Variants in TNNT3 observed in about 807,000 individuals in gnomAD.
TNNT3 encodes the protein troponin T3, fast skeletal type.
TNNT3 carries 36 observed loss-of-function variants against 54.2 expected under a neutral mutation model. That is an observed-to-expected ratio of 0.66 (90% CI 0.51 to 0.88). The LOEUF (loss-of-function observed/expected upper bound fraction) is 0.88, where lower values mean the gene tolerates loss of function less well. Ranked by LOEUF, TNNT3 falls within the 40% of genes least tolerant of loss-of-function variation. The pLI, the probability that TNNT3 is intolerant of heterozygous loss-of-function variation, is 0.00. For synonymous variants in TNNT3, 120 were observed against 109.7 expected, an observed-to-expected ratio of 1.09 and a Z score of -0.59; for missense variants, 291 against 331.6, an observed-to-expected ratio of 0.88 and a Z score of 0.95.
rs1380265589 is a variant in TNNT3, at chr11:1,925,480, CT to C, written c.67+366del. On this transcript the variant is annotated intron_variant, in intron 5 of 15. Transcript: ENST00000278317. ...GAATGGGGTCTCGAGGGTGGGCCCC[CT>C]TCCCCACAGCCCCCCAGGCAGTAGG... 7 of 643,150 alleles carry C rather than the reference CT, an allele frequency of 1.1e-5. No homozygotes were observed. In the Admixed American group the frequency reaches 1.7e-4, roughly 15 times the overall value. The allele number at this position is 643,150 out of a possible 1,614,324, so 39.8% of individuals were successfully genotyped here. A position where few individuals can be genotyped will look rare whatever the true frequency, so the allele number is the denominator to read the frequency against.
At chr11:1,933,571 A>G in intron 9 of TNNT3, 150 bp from the exon 10 acceptor site, 1 of 707,656 alleles carries the variant, frequency 1.4e-6, no homozygotes. Flanking sequence ...AAGGCAAAAC[A>G]TTCCTTGCCA....
intron 14 of TNNT3, chr11:1,935,132 A>G: frequency 3.1e-6 from 2 of 635,454 alleles, no homozygotes; most frequent in Non-Finnish European, 5.7e-6. Flanking sequence ...CTGGCCATGC[A>G]GCGCCCTGAG....
At chr11:1,926,390 C>T (rs1851588796) in intron 5 of TNNT3, 1 of 1,579,772 alleles carries the variant, frequency 6.3e-7, no homozygotes, top group African/African-American at 1.3e-5. Context: ...ACGGGCTTTT[C>T]CATTAACCTC....
intron 9 of TNNT3, among the ~76,000 whole-genome samples, chr11:1,932,931 TCCACCCACCCAA>T (rs1285410060): frequency 7.2e-6 from 1 of 139,362 alleles, no homozygotes; most frequent in Non-Finnish European, 1.6e-5. Context: ...CATCCATCCA[TCCACCCACCCAA>T]CCACCCATTC....
At position 1,937,012 on chromosome 11, in the gene TNNT3, C is replaced by T; in HGVS notation, c.722+9C>T. ...GACCAGGCCCAGAAGCAGTGAGTAG[C>T]CCTGCCGTCCTCGCTCCGCACTGGG... On this transcript the variant is annotated intron_variant, in intron 15 of 15. Coordinates refer to ENST00000278317, the MANE Select transcript of TNNT3 (RefSeq NM_006757.4). The T allele has an allele frequency of 6.3e-7, 1 of 1,596,142 alleles. No homozygotes were observed. The highest frequency in any genetic ancestry group is 8.5e-7 in the Non-Finnish European group (1 of 1,173,186).
chr11:1,925,217 C>G, intron 5 of TNNT3, 101 bp downstream of exon 5: 1 of 1,607,268 alleles, frequency 6.2e-7, no homozygotes, highest in South Asian at 1.1e-5. Context: ...GCTGTGTGCC[C>G]CTGTCTAACC....
At chr11:1,936,781 C>T (rs921818720) in intron 14 of TNNT3, among the ~76,000 whole-genome samples, 182 bp from the exon 15 acceptor site, 2 of 152,200 alleles carry the variant, frequency 1.3e-5, no homozygotes, top group South Asian at 2.1e-4. Context: ...CCAGGGGCCA[C>T]GGGACGGTGT....
In TNNT3 at chr11:1,920,098, G is replaced by A. The variant is rs1849750135; in HGVS notation, c.-19+336G>A. Among the ~76,000 whole-genome samples the A allele has an allele frequency of 1.3e-5, 2 of 152,278 alleles. 1 individual carries two copies. The highest frequency in any genetic ancestry group is 4.1e-4 in the South Asian group (2 of 4,834). ...CTGAGGGCAGGAGGCAGAGAGGTGC[G>A]GGCTGTGAGCGGCAGGGAAGAGGCT... is the stretch of plus-strand genomic sequence containing the variant. On this transcript the variant is annotated intron_variant, in intron 1 of 15. Transcript: ENST00000278317.
At chr11:1,922,591 G>A (rs528665396) in intron 1 of TNNT3, among the ~76,000 whole-genome samples, 20 of 152,240 alleles carry the variant, frequency 1.3e-4, no homozygotes, top group Admixed American at 9.8e-4. Context: ...ATCCCTTCCA[G>A]CTCCAAGATT....
intron 6 of TNNT3, chr11:1,928,877 C>T: frequency 1.6e-6 from 1 of 614,298 alleles, no homozygotes; most frequent in Non-Finnish European, 2.9e-6. Flanking sequence ...TCCTATTCTC[C>T]ACTAGGTCTT....
intron 7 of TNNT3, 44 bp from the exon 8 acceptor site, chr11:1,929,766 C>A: frequency 6.4e-7 from 1 of 1,551,466 alleles, no homozygotes. Flanking sequence ...CTCCCTCTCC[C>A]CACGCTGGTG....
At chr11:1,936,131 C>CA in intron 14 of TNNT3, 1 of 1,517,860 alleles carries the variant, frequency 6.6e-7, no homozygotes, top group Non-Finnish European at 9.1e-7. Context: ...CCTGGAGGGC[C>CA]ATCACCAGGC....
intron 1 of TNNT3, among the ~76,000 whole-genome samples, chr11:1,920,399 C>T (rs1042724342): frequency 6.6e-6 from 1 of 152,122 alleles, no homozygotes. Context: ...CAGGACGGGG[C>T]AAGAGTGAGG....
chr11:1,926,672 C>T (rs753169113), intron 5 of TNNT3, 23 bp from the exon 6 acceptor site: 16 of 1,613,346 alleles, frequency 9.9e-6, no homozygotes, highest in African/African-American at 1.3e-5. Context: ...GCCCTTTCTG[C>T]CACCATGACG....
Position 1,926,348 on chromosome 11 carries a change from C to G in TNNT3, c.68-347C>G, listed in dbSNP as rs3825026. 7.1e-5 allele frequency: 88 copies of G among 1,241,588 alleles called. No individual in the cohort carries two copies. The African/African-American group carries it at 9.6e-4, about 14-fold the overall frequency. 76.9% of individuals were successfully genotyped at this position (1,241,588 alleles called of 1,614,324 possible). A position where few individuals can be genotyped will look rare whatever the true frequency, so the allele number is the denominator to read the frequency against. ...CTCTGACCGTGTCTTGCTCGCTCCC[C>G]GCACGCACCCCACCCTCGGCCTCGA... On this transcript the variant is annotated intron_variant, in intron 5 of 15. Coordinates refer to ENST00000278317, the MANE Select transcript of TNNT3 (RefSeq NM_006757.4).
At chr11:1,922,281 G>C (rs188539884) in intron 1 of TNNT3, among the ~76,000 whole-genome samples, 50 of 152,276 alleles carry the variant, frequency 3.3e-4, no homozygotes, top group African/African-American at 1.2e-3. Flanking sequence ...AGGAAAACAG[G>C]CACAGAAGGG....
chr11:1,925,955 C>T (rs891515391), intron 5 of TNNT3, among the ~76,000 whole-genome samples: 3 of 152,230 alleles, frequency 2.0e-5, no homozygotes, highest in Middle Eastern at 3.4e-3. Context: ...GGGCCCCCAG[C>T]GTTGGGATGG....
intron 14 of TNNT3, chr11:1,936,211 T>C: frequency 6.2e-7 from 1 of 1,613,860 alleles, no homozygotes; most frequent in Non-Finnish European, 8.5e-7. Context: ...TTGGTCTTTC[T>C]AGATCATGAA....
chr11:1,938,206 G>C (rs1487898074), intron 15 of TNNT3: 1 of 584,376 alleles, frequency 1.7e-6, no homozygotes, highest in Non-Finnish European at 3.1e-6. Flanking sequence ...ACAGAGGGAG[G>C]GTGCCCCGGG....
Sources: allele counts gnomAD v4.1 joint callset (sites outside exome capture counted in the v4.1 genomes callset), GRCh38; gene constraint gnomAD v4.1.1; transcripts MANE v1.5; gene names NCBI Gene and HGNC (gene_info 2026-07-23, HGNC 2026-07-21).